The following RBFOX1 variants were observed in gnomAD, a reference collection of about 807,000 sequenced individuals.
The protein encoded by RBFOX1 is RNA binding fox-1 homolog 1.
Under a neutral mutation model 57.7 loss-of-function variants are expected in RBFOX1, and 8 were observed. The ratio of observed to expected loss-of-function variants is 0.14; its 90% confidence interval spans 0.08 to 0.25. The LOEUF (loss-of-function observed/expected upper bound fraction) is 0.25. RBFOX1 is among the 10% of genes least tolerant of loss of function. The probability of loss-of-function intolerance (pLI) is 1.00; values close to 1 mark genes in which losing one functional copy is unlikely to be tolerated. For synonymous variants in RBFOX1, 326 were observed against 222.4 expected (o/e 1.47, Z -4.15); for missense variants, 611 against 548.5 (o/e 1.11, Z -1.14).
At chr16:5,854,900 CT>C (rs112502360) in intron 3 of RBFOX1, among the ~76,000 whole-genome samples, 6 of 152,138 alleles carry the variant, frequency 3.9e-5, no homozygotes, top group African/African-American at 1.4e-4. Context: ...TATCTTTTGA[CT>C]TTTTGGTAAC....
At chr16:7,471,561 A>G (rs1256195775) in intron 4 of RBFOX1, among the ~76,000 whole-genome samples, 1 of 152,218 alleles carries the variant, frequency 6.6e-6, no homozygotes, top group African/African-American at 2.4e-5. Flanking sequence ...ACATTTCAAA[A>G]AAAATGAGTC....
intron 3 of RBFOX1, among the ~76,000 whole-genome samples, chr16:6,829,091 C>A (rs544424221): frequency 2.6e-5 from 4 of 152,246 alleles, no homozygotes; most frequent in East Asian, 1.9e-4. Context: ...CATTTGGGGA[C>A]CTCCCCAAGC....
In RBFOX1 at chr16:7,386,157, C is replaced by T. The variant is rs969743294; in HGVS notation, c.28-131990C>T. ...ACTCTTGGGTTTGAGATCCCAACAG[C>T]CTCAGAGATATCAGATGTAGGGCAA... On this transcript the variant is annotated intron_variant, in intron 4 of 15. Coordinates refer to ENST00000550418, the MANE Select transcript of RBFOX1 (RefSeq NM_018723.4). 2.6e-5 allele frequency among the ~76,000 whole-genome samples: 4 copies of T among 152,056 alleles called. No individual in the cohort carries two copies. The East Asian group carries it at 5.8e-4, about 22-fold the overall frequency.
intron 2 of RBFOX1, among the ~76,000 whole-genome samples, chr16:6,382,922 G>A (rs1437831276): frequency 6.6e-6 from 1 of 152,162 alleles, no homozygotes; most frequent in Non-Finnish European, 1.5e-5. Flanking sequence ...CCCAAAGCAG[G>A]AGAAGCAGCA....
At chr16:6,282,351 GT>G (rs1431692323) in intron 1 of RBFOX1, among the ~76,000 whole-genome samples, 1 of 78,434 alleles carries the variant, frequency 1.3e-5, no homozygotes, top group Non-Finnish European at 2.4e-5. Context: ...CTTGTACCTT[GT>G]CTGTTTTTTT....
At chr16:7,471,360 A>AT (rs536643324) in intron 4 of RBFOX1, among the ~76,000 whole-genome samples, 11 of 152,132 alleles carry the variant, frequency 7.2e-5, no homozygotes, top group African/African-American at 1.4e-4. Context: ...TGCTGGGCTA[A>AT]TTTTTTTTAA....
chr16:6,222,253 G>A (rs1414123495), intron 1 of RBFOX1, among the ~76,000 whole-genome samples: 1 of 152,106 alleles, frequency 6.6e-6, no homozygotes, highest in African/African-American at 2.4e-5. Flanking sequence ...GGCAAATACT[G>A]TTAATTTGTA....
intron 1 of RBFOX1, chr16:5,270,649 A>G (rs1214199635): frequency 1.8e-5 from 10 of 552,012 alleles, no homozygotes; most frequent in Non-Finnish European, 2.7e-5. Context: ...CTCAGCACCA[A>G]CAGTCTGCCA....
chr16:6,460,287 C>A (rs1472613972), intron 2 of RBFOX1, among the ~76,000 whole-genome samples: 1 of 151,978 alleles, frequency 6.6e-6, no homozygotes, highest in African/African-American at 2.4e-5. Context: ...CTAATCTCTT[C>A]TTATAAGAAC....
intron 3 of RBFOX1, among the ~76,000 whole-genome samples, chr16:6,785,962 C>T (rs557231279): frequency 3.9e-5 from 6 of 152,332 alleles, no homozygotes; most frequent in Non-Finnish European, 7.3e-5. Flanking sequence ...CCAGGTGGCA[C>T]TTACCAACAG....
At chr16:5,456,391 C>T (rs2068632255) in intron 1 of RBFOX1, among the ~76,000 whole-genome samples, 1 of 152,118 alleles carries the variant, frequency 6.6e-6, no homozygotes, top group South Asian at 2.1e-4. Flanking sequence ...CCATGGGTTA[C>T]CTTCTTTTCG....
intron 2 of RBFOX1, among the ~76,000 whole-genome samples, chr16:6,568,335 C>G (rs932833829): frequency 6.6e-6 from 1 of 152,116 alleles, no homozygotes; most frequent in Non-Finnish European, 1.5e-5. Flanking sequence ...TGGCAGGCCT[C>G]AGTTCTTCAC....
intron 2 of RBFOX1, among the ~76,000 whole-genome samples, chr16:6,423,283 C>T (rs374464719): frequency 6.6e-6 from 1 of 152,192 alleles, no homozygotes; most frequent in East Asian, 1.9e-4. Context: ...GATAATAAAT[C>T]TTGCCATGAT....
chr16:7,321,138 T>TATACATATACATATACATATACATATAC (rs2096539614), intron 4 of RBFOX1, among the ~76,000 whole-genome samples: 1 of 151,678 alleles, frequency 6.6e-6, no homozygotes, highest in Non-Finnish European at 1.5e-5. Context: ...TACTTATACT[T>TATACATATACATATACATATACATATAC]ATATTGTTTG....
At chr16:7,661,793 C>G (rs758490) in intron 12 of RBFOX1, among the ~76,000 whole-genome samples, 114,646 of 152,110 alleles carry the variant, frequency 0.75, 43,458 homozygotes, top group Admixed American at 0.81. Context: ...GAGAAAGCTA[C>G]ACTAGTTCTT....
intron 4 of RBFOX1, among the ~76,000 whole-genome samples, chr16:7,099,666 G>C (rs967348221): frequency 2.6e-5 from 4 of 152,224 alleles, no homozygotes; most frequent in African/African-American, 9.6e-5. Context: ...GGAGACATGA[G>C]ACATCAATCA....
At position 6,679,052 on chromosome 16, in the gene RBFOX1, CCT is replaced by C. The variant is rs552981251; in HGVS notation, c.-16+24407_-16+24408del. Among the ~76,000 whole-genome samples the C allele has an allele frequency of 3.4e-4, 52 of 152,232 alleles. 1 individual carries two copies. The highest frequency in any genetic ancestry group is 1.2e-3 in the African/African-American group (49 of 41,568). On this transcript the variant is annotated intron_variant, in intron 3 of 15. Coordinates refer to ENST00000550418, the MANE Select transcript of RBFOX1 (RefSeq NM_018723.4). The stretch of plus-strand genomic sequence containing the variant: ...GCGTGTTGCTATTATATCTCTAACA[CCT>C]CTCTAACCCTTGCTAATCTTTTTGA...
chr16:5,467,184 C>CTA, intron 1 of RBFOX1: 1 of 1,453,686 alleles, frequency 6.9e-7, no homozygotes, highest in East Asian at 2.5e-5. Context: ...TTCTCTCTCT[C>CTA]TCTCTCTCTC....
intron 2 of RBFOX1, among the ~76,000 whole-genome samples, chr16:6,432,517 C>CAAA (rs71145230): frequency 8.6e-6 from 1 of 116,686 alleles, no homozygotes; most frequent in African/African-American, 3.0e-5. Context: ...ACTAAAAATA[C>CAAA]AAAAAAAAAA....
Sources: allele counts gnomAD v4.1 joint callset (sites outside exome capture counted in the v4.1 genomes callset), GRCh38; gene constraint gnomAD v4.1.1; transcripts MANE v1.5; gene names NCBI Gene and HGNC (gene_info 2026-07-23, HGNC 2026-07-21).